Variants in SUPT3H observed in about 807,000 individuals in gnomAD.
The protein encoded by SUPT3H is SPT3 homolog, SAGA and STAGA complex component.
SUPT3H carries 44 observed loss-of-function variants against 44.3 expected under a neutral mutation model. The ratio of observed to expected loss-of-function variants is 0.99; its 90% CI spans 0.78 to 1.28. The LOEUF (loss-of-function observed/expected upper bound fraction) is 1.28, where lower values mean the gene tolerates loss of function less well. Ranked by LOEUF, SUPT3H falls within the 50% of genes most tolerant of loss-of-function variation. The pLI is 0.00. For missense variants in SUPT3H, 380 were observed against 387.1 expected (o/e 0.98, Z 0.15); for synonymous variants, 124 against 125.6 (o/e 0.99, Z 0.09).
chr6:45,345,725 T>C (rs1271546402), intron 2 of SUPT3H, among the ~76,000 whole-genome samples: 2 of 152,186 alleles, frequency 1.3e-5, no homozygotes, highest in Non-Finnish European at 2.9e-5. Flanking sequence ...GCATTATCAA[T>C]TCTTCTTAAT....
intron 2 of SUPT3H, among the ~76,000 whole-genome samples, chr6:45,245,322 C>T (rs1771147928): frequency 6.6e-6 from 1 of 152,012 alleles, no homozygotes; most frequent in Admixed American, 6.6e-5. Flanking sequence ...TGTAACCATT[C>T]TTAAGGTTAA....
At chr6:45,309,232 A>G (rs1324215134) in intron 2 of SUPT3H, among the ~76,000 whole-genome samples, 1 of 151,904 alleles carries the variant, frequency 6.6e-6, no homozygotes, top group African/African-American at 2.4e-5. Context: ...TGCCTGAGAA[A>G]GAAATCAGAA....
intron 2 of SUPT3H, among the ~76,000 whole-genome samples, chr6:45,347,608 GGTCT>G (rs1322419447): frequency 6.6e-6 from 1 of 151,700 alleles, no homozygotes; most frequent in Non-Finnish European, 1.5e-5. Flanking sequence ...GCATTCTTGG[GGTCT>G]GTCTGCAAAA....
At chr6:44,956,233 C>T (rs1775142474) in intron 7 of SUPT3H, among the ~76,000 whole-genome samples, 1 of 151,590 alleles carries the variant, frequency 6.6e-6, no homozygotes, top group Non-Finnish European at 1.5e-5. Flanking sequence ...GCCTGTAATC[C>T]CAGCACTTCG....
intron 1 of SUPT3H, among the ~76,000 whole-genome samples, chr6:45,369,838 T>C (rs771980199): frequency 6.6e-6 from 1 of 152,006 alleles, no homozygotes; most frequent in African/African-American, 2.4e-5. Flanking sequence ...AAAAAACAAG[T>C]TGATTTCAAC....
chr6:45,075,175 A>T (rs954565310), intron 3 of SUPT3H, among the ~76,000 whole-genome samples: 1 of 152,088 alleles, frequency 6.6e-6, no homozygotes, highest in Non-Finnish European at 1.5e-5. Flanking sequence ...AGAAATGAAA[A>T]CTATAATTAT....
At chr6:45,363,655 C>A (rs1375442030) in intron 2 of SUPT3H, among the ~76,000 whole-genome samples, 2 of 151,686 alleles carry the variant, frequency 1.3e-5, no homozygotes, top group African/African-American at 4.8e-5. Flanking sequence ...AATATAAAGC[C>A]ACTAAACTAT....
At chr6:45,025,039 A>G (rs1785747172) in intron 3 of SUPT3H, among the ~76,000 whole-genome samples, 1 of 152,172 alleles carries the variant, frequency 6.6e-6, no homozygotes, top group South Asian at 2.1e-4. Flanking sequence ...TAGACTCCAT[A>G]ATTGCATAAT....
At chr6:44,888,188 A>G (rs1762648527) in intron 10 of SUPT3H, among the ~76,000 whole-genome samples, 1 of 152,228 alleles carries the variant, frequency 6.6e-6, no homozygotes, top group Non-Finnish European at 1.5e-5. Flanking sequence ...TCAGAGGTAC[A>G]AGGAGGAATT....
chr6:45,247,176 T>C (rs1477016812), intron 2 of SUPT3H, among the ~76,000 whole-genome samples: 1 of 152,236 alleles, frequency 6.6e-6, no homozygotes, highest in Non-Finnish European at 1.5e-5. Flanking sequence ...GATGATTTCC[T>C]TGAAACATAC....
chr6:44,847,263 T>C (rs2153419354), intron 10 of SUPT3H, among the ~76,000 whole-genome samples: 1 of 152,258 alleles, frequency 6.6e-6, no homozygotes, highest in Non-Finnish European at 1.5e-5. Context: ...AGACTACAAG[T>C]CTGGTCACAA....
At chr6:44,932,810 A>G (rs1770806871) in intron 9 of SUPT3H, 47 bp from the exon 10 acceptor site, 1 of 1,245,134 alleles carries the variant, frequency 8.0e-7, no homozygotes, top group African/African-American at 1.5e-5. Context: ...AAAACACGCA[A>G]CAGAACTACA....
At chr6:45,155,414 G>C (rs1239868453) in intron 2 of SUPT3H, among the ~76,000 whole-genome samples, 1 of 152,104 alleles carries the variant, frequency 6.6e-6, no homozygotes, top group Non-Finnish European at 1.5e-5. Context: ...GAGGGAAGGG[G>C]CTGATGTGGG....
chr6:45,168,478 G>A (rs1049180598), intron 2 of SUPT3H, among the ~76,000 whole-genome samples: 1 of 151,986 alleles, frequency 6.6e-6, no homozygotes, highest in African/African-American at 2.4e-5. Context: ...CGACCACCTT[G>A]GGCACATGTT....
intron 2 of SUPT3H, among the ~76,000 whole-genome samples, chr6:45,176,758 T>TCCCTGAC (rs1033224461): frequency 2.6e-5 from 4 of 152,122 alleles, no homozygotes; most frequent in African/African-American, 9.7e-5. Context: ...CTCAAGTGGG[T>TCCCTGAC]CCCTGACCCC....
At chr6:45,282,072 A>C (rs1487260158) in intron 2 of SUPT3H, among the ~76,000 whole-genome samples, 2 of 152,230 alleles carry the variant, frequency 1.3e-5, no homozygotes, top group African/African-American at 4.8e-5. Flanking sequence ...GACATCCACA[A>C]CAAAAGCCCA....
At chr6:44,931,087 G>A (rs975403374) in intron 10 of SUPT3H, among the ~76,000 whole-genome samples, 2 of 152,194 alleles carry the variant, frequency 1.3e-5, no homozygotes, top group African/African-American at 4.8e-5. Flanking sequence ...ACTTTGAAGA[G>A]AGAAGCAGCT....
intron 2 of SUPT3H, among the ~76,000 whole-genome samples, chr6:45,279,768 C>T (rs1036587999): frequency 6.6e-6 from 1 of 152,164 alleles, no homozygotes; most frequent in Non-Finnish European, 1.5e-5. Context: ...TGTATTTATA[C>T]AAAGACATCT....
chr6:45,152,310 C>T lies in SUPT3H; in HGVS notation c.102-46304G>A, dbSNP rs73738614. 4.0e-3 allele frequency among the ~76,000 whole-genome samples: 606 copies of T among 152,278 alleles called. 7 individuals are homozygous for T. The highest frequency in any genetic ancestry group is 0.014 in the African/African-American group (568 of 41,562). ...ACATCAGATCTATTAGCAAATCTTGCGAGCTACCTTTAGAATATTTATTTC... is the reference window on the plus strand; with the variant it reads ...ACATCAGATCTATTAGCAAATCTTGTGAGCTACCTTTAGAATATTTATTTC... On this transcript the variant is annotated intron_variant, in intron 2 of 10. Transcript: ENST00000371459.
Sources: allele counts gnomAD v4.1 joint callset (sites outside exome capture counted in the v4.1 genomes callset), GRCh38; gene constraint gnomAD v4.1.1; transcripts MANE v1.5; gene names NCBI Gene and HGNC (gene_info 2026-07-23, HGNC 2026-07-21).